Variants in ADAM7 observed in about 807,000 individuals in gnomAD.
The protein encoded by ADAM7 is ADAM metallopeptidase domain 7, also known as disintegrin and metalloproteinase domain-containing protein 7.
A neutral mutation model predicts 102.9 loss-of-function variants in ADAM7; 97 were observed. That is an observed-to-expected ratio of 0.94 (90% CI 0.80 to 1.12). ADAM7 has a LOEUF of 1.12. Ranked by LOEUF, ADAM7 falls within the 50% of genes most tolerant of loss-of-function variation. ADAM7 has a pLI of 0.00. For missense variants in ADAM7, 991 were observed against 908.7 expected (o/e 1.09, Z -1.16); for synonymous variants, 334 against 304.4 (o/e 1.10, Z -1.01).
intron 7 of ADAM7, among the ~76,000 whole-genome samples, chr8:24,475,272 C>T (rs1262463328): frequency 6.6e-6 from 1 of 152,130 alleles, no homozygotes; most frequent in Non-Finnish European, 1.5e-5. Context: ...TCAGAATATT[C>T]TCCACAGTGA....
chr8:24,491,809 T>A (rs1256439155), intron 13 of ADAM7, 94 bp from the exon 14 acceptor site: 10 of 1,093,716 alleles, frequency 9.1e-6, no homozygotes, highest in Non-Finnish European at 1.3e-5. Flanking sequence ...CCTTAAAACC[T>A]TTTTTGGATG....
intron 20 of ADAM7, among the ~76,000 whole-genome samples, chr8:24,507,220 C>T (rs116307088): frequency 0.015 from 2,277 of 152,190 alleles, 62 homozygotes; most frequent in African/African-American, 0.052. Flanking sequence ...GGAAGATTCA[C>T]AGATTTTACA....
Position 24,450,487 on chromosome 8 carries a change from T to C in ADAM7, c.233+3225T>C, listed in dbSNP as rs1162438549. Among the ~76,000 whole-genome samples, 5 of 151,720 alleles carry C rather than the reference T, an allele frequency of 3.3e-5. No individual in the cohort carries two copies. In the East Asian group the frequency reaches 9.7e-4, roughly 29 times the overall value. On this transcript the variant is annotated intron_variant, in intron 3 of 21. Transcript: ENST00000175238. ...GGTGTATAAGAATGCTTGTGATTTT[T>C]GTACATTGATTTTGTATCCTGAGAC...
At chr8:24,449,937 T>C (rs184997601) in intron 3 of ADAM7, among the ~76,000 whole-genome samples, 2,276 of 152,280 alleles carry the variant, frequency 0.015, 60 homozygotes, top group African/African-American at 0.052. Flanking sequence ...TTTTCTCAGG[T>C]TTGTCAAAGA....
At chr8:24,507,801 A>T (rs1452559397) in intron 21 of ADAM7, among the ~76,000 whole-genome samples, 1 of 152,210 alleles carries the variant, frequency 6.6e-6, no homozygotes, top group African/African-American at 2.4e-5. Flanking sequence ...AATACAGGTT[A>T]GGAATAACGA....
chr8:24,490,918 T>C, intron 13 of ADAM7, 30 bp downstream of exon 13: 2 of 1,606,776 alleles, frequency 1.2e-6, no homozygotes, highest in East Asian at 2.2e-5. Context: ...GAAGGTTTTT[T>C]TTTTTCAGTT....
intron 3 of ADAM7, among the ~76,000 whole-genome samples, chr8:24,456,588 T>C (rs1819042722): frequency 6.6e-6 from 1 of 151,972 alleles, no homozygotes; most frequent in African/African-American, 2.4e-5. Flanking sequence ...GAAAAGTTCT[T>C]CATGCTTCTC....
rs1248863773 is a variant in ADAM7, at chr8:24,465,689, T to C, written c.313-10T>C. On this transcript the variant is annotated splice_polypyrimidine_tract_variant and intron_variant, in intron 4 of 21. Coordinates refer to ENST00000175238, the MANE Select transcript of ADAM7 (RefSeq NM_003817.4). ...TATACATATAGTAATAGAGTCTTCT[T>C]CTATTTTAGGATCATTGTTTTTACC... The C allele has an allele frequency of 6.4e-7, 1 of 1,568,686 alleles. No homozygotes were observed. The highest frequency in any genetic ancestry group is 1.4e-5 in the African/African-American group (1 of 73,154).
At chr8:24,501,624 T>G (rs80176469) in intron 20 of ADAM7, 48 bp downstream of exon 20, 3 of 1,116,630 alleles carry the variant, frequency 2.7e-6, no homozygotes, top group Non-Finnish European at 3.9e-6. Context: ...TTTTTTTTTT[T>G]AAGTAGCTGA....
chr8:24,489,084 A>G, intron 11 of ADAM7, 75 bp from the exon 12 acceptor site: 1 of 1,349,526 alleles, frequency 7.4e-7, no homozygotes, highest in Non-Finnish European at 1.0e-6. Context: ...CAAATGCTTC[A>G]TAAAATGCTC....
chr8:24,466,731 CAA>C, intron 5 of ADAM7, 66 bp from the exon 6 acceptor site: 1 of 1,456,406 alleles, frequency 6.9e-7, no homozygotes, highest in African/African-American at 1.4e-5. Context: ...CTTGAAAAGG[CAA>C]AGTCAATACA....
intron 3 of ADAM7, among the ~76,000 whole-genome samples, chr8:24,456,474 C>A (rs898981612): frequency 1.3e-5 from 2 of 152,254 alleles, no homozygotes; most frequent in South Asian, 4.2e-4. Flanking sequence ...GATTCCAAAT[C>A]TTTTACGTAA....
intron 3 of ADAM7, among the ~76,000 whole-genome samples, chr8:24,449,428 T>G (rs1483916597): frequency 2.0e-5 from 3 of 152,204 alleles, no homozygotes; most frequent in African/African-American, 7.2e-5. Flanking sequence ...TTTTCATGTG[T>G]TTTTTGGCTG....
chr8:24,490,594 T>C, intron 12 of ADAM7: 2 of 532,968 alleles, frequency 3.8e-6, no homozygotes, highest in Non-Finnish European at 6.7e-6. Flanking sequence ...TTACCCGTAA[T>C]GTACCAAACA....
chr8:24,504,767 T>A (rs928795405), intron 20 of ADAM7, among the ~76,000 whole-genome samples: 1 of 152,060 alleles, frequency 6.6e-6, no homozygotes, highest in Admixed American at 6.6e-5. Flanking sequence ...CCCCACTCTA[T>A]CCCCCAGAAC....
chr8:24,500,681 A>T, intron 18 of ADAM7, 109 bp from the exon 19 acceptor site: 2 of 775,128 alleles, frequency 2.6e-6, no homozygotes, highest in Non-Finnish European at 4.1e-6. Context: ...GGAGAATTGA[A>T]GTTCTATAGA....
chr8:24,464,744 G>A (rs1363654910), intron 4 of ADAM7, among the ~76,000 whole-genome samples: 2 of 150,968 alleles, frequency 1.3e-5, no homozygotes, highest in Non-Finnish European at 2.9e-5. Context: ...GTGACTACAG[G>A]CGCATGCCAC....
chr8:24,467,937 C>T (rs369386618), intron 6 of ADAM7, among the ~76,000 whole-genome samples: 2 of 151,768 alleles, frequency 1.3e-5, no homozygotes, highest in Admixed American at 6.6e-5. Context: ...TAGTGGTGTG[C>T]GCCTGTAATC....
chr8:24,467,207 A>C (rs1819457148), intron 6 of ADAM7: 1 of 595,044 alleles, frequency 1.7e-6, no homozygotes, highest in African/African-American at 1.9e-5. Context: ...ATGATTCTAC[A>C]ATTCTATGTA....
Sources: allele counts gnomAD v4.1 joint callset (sites outside exome capture counted in the v4.1 genomes callset), GRCh38; gene constraint gnomAD v4.1.1; transcripts MANE v1.5; gene names NCBI Gene and HGNC (gene_info 2026-07-23, HGNC 2026-07-21).